TMEM132D: variants seen among roughly 807,000 people sequenced by gnomAD.
TMEM132D encodes transmembrane protein 132D, also known as mature OL transmembrane protein.
In TMEM132D, 21 loss-of-function variants were observed where a neutral mutation model predicts 62.3. The observed-to-expected ratio is 0.34, with a 90% confidence interval of 0.24 to 0.49. TMEM132D has a LOEUF of 0.49. TMEM132D is among the 20% of genes least tolerant of loss of function. The probability of loss-of-function intolerance (pLI) is 0.99; values close to 1 mark genes in which losing one functional copy is unlikely to be tolerated. For synonymous variants in TMEM132D, 621 were observed against 575.6 expected (o/e 1.08, Z -1.13); for missense variants, 1,346 against 1,402.8 (o/e 0.96, Z 0.65).
chr12:129,294,330 A>C (rs1047447799), intron 4 of TMEM132D, among the ~76,000 whole-genome samples: 1 of 152,198 alleles, frequency 6.6e-6, no homozygotes, highest in African/African-American at 2.4e-5. Flanking sequence ...AAACAATGCA[A>C]TGAAGCTTGT....
chr12:129,840,177 G>A (rs2137343052), intron 1 of TMEM132D: 1 of 152,324 alleles, frequency 6.6e-6, no homozygotes, highest in South Asian at 2.1e-4. Context: ...CTGGGTGAGA[G>A]ACCGCCGCTC....
chr12:129,802,514 G>A (rs1202398016), intron 1 of TMEM132D, among the ~76,000 whole-genome samples: 1 of 115,948 alleles, frequency 8.6e-6, no homozygotes, highest in South Asian at 3.3e-4. Context: ...CACCAGGCCT[G>A]CCCTAAAAGA....
At chr12:129,663,737 G>A (rs1453040872) in intron 2 of TMEM132D, among the ~76,000 whole-genome samples, 5 of 152,086 alleles carry the variant, frequency 3.3e-5, no homozygotes, top group Admixed American at 2.6e-4. Flanking sequence ...CATCTGTGGC[G>A]ACCCAAGTAA....
chr12:129,887,147 T>C (rs1874774127), intron 1 of TMEM132D, among the ~76,000 whole-genome samples: 1 of 152,094 alleles, frequency 6.6e-6, no homozygotes, highest in South Asian at 2.1e-4. Flanking sequence ...ACACATGAGT[T>C]AAAACCCAGT....
chr12:129,775,615 G>C (rs867137529), intron 1 of TMEM132D, among the ~76,000 whole-genome samples: 2 of 152,182 alleles, frequency 1.3e-5, no homozygotes, highest in African/African-American at 4.8e-5. Context: ...GAAGGGATGC[G>C]AGAAGATAAA....
intron 1 of TMEM132D, among the ~76,000 whole-genome samples, chr12:129,729,886 G>C (rs1869167263): frequency 6.6e-6 from 1 of 152,180 alleles, no homozygotes; most frequent in African/African-American, 2.4e-5. Context: ...AAGCTATCAT[G>C]ACATTCCCCT....
intron 3 of TMEM132D, among the ~76,000 whole-genome samples, chr12:129,340,396 G>A (rs1218943778): frequency 6.6e-6 from 1 of 151,924 alleles, no homozygotes; most frequent in East Asian, 1.9e-4. Context: ...CCATGTTTGT[G>A]TGCTGCACCT....
chr12:129,218,835 G>A lies in TMEM132D; in HGVS notation c.1300-9172C>T, dbSNP rs552224506. Among the ~76,000 whole-genome samples, 6 of 152,310 alleles carry A rather than the reference G, an allele frequency of 3.9e-5. No individual in the cohort carries two copies. The East Asian group carries it at 9.7e-4, about 25-fold the overall frequency. On this transcript the variant is annotated intron_variant, in intron 4 of 8. Coordinates refer to ENST00000422113, the MANE Select transcript of TMEM132D (RefSeq NM_133448.3). ...AAGTTAATCTCTTTGCAGGAGGCGG[G>A]AGTGAGGCGTAAGCAGCAGGAGACA...
At chr12:129,596,796 A>G (rs966732985) in intron 2 of TMEM132D, among the ~76,000 whole-genome samples, 1 of 151,726 alleles carries the variant, frequency 6.6e-6, no homozygotes, top group Non-Finnish European at 1.5e-5. Flanking sequence ...TCCTGTTTGA[A>G]TGTACCCATC....
intron 1 of TMEM132D, among the ~76,000 whole-genome samples, chr12:129,879,230 A>G (rs889731848): frequency 1.3e-5 from 2 of 152,194 alleles, no homozygotes; most frequent in Non-Finnish European, 2.9e-5. Flanking sequence ...CAAAAAGTCT[A>G]TGCCTCAGTC....
At chr12:129,385,085 CTTTTTTT>C (rs869098367) in intron 3 of TMEM132D, among the ~76,000 whole-genome samples, 24 of 86,890 alleles carry the variant, frequency 2.8e-4, no homozygotes, top group Admixed American at 6.7e-4. Context: ...TGTTAAAGTT[CTTTTTTT>C]TTTTTTTTTT....
intron 2 of TMEM132D, among the ~76,000 whole-genome samples, chr12:129,655,574 G>T (rs541083471): frequency 6.6e-6 from 1 of 151,858 alleles, no homozygotes; most frequent in South Asian, 2.1e-4. Context: ...CTTACCCTTC[G>T]TGGGGGCGTT....
At chr12:129,303,930 AAGACAGAG>A (rs1166089805) in intron 4 of TMEM132D, among the ~76,000 whole-genome samples, 2 of 152,160 alleles carry the variant, frequency 1.3e-5, no homozygotes, top group African/African-American at 4.8e-5. Flanking sequence ...CCAGCTCAAG[AAGACAGAG>A]GGGAAATTCA....
chr12:129,424,573 T>G (rs1293299250), intron 3 of TMEM132D, among the ~76,000 whole-genome samples: 2 of 151,758 alleles, frequency 1.3e-5, no homozygotes, highest in Admixed American at 6.6e-5. Context: ...CCGGGCGTGG[T>G]GGTGGGCACC....
rs1874237232 is a variant in TMEM132D, at chr12:129,075,934, C to T, written c.2116-875G>A. ...CCATTGCTTCCTCCCTCCCTCCCTC[C>T]CTCTCAGAGAACCTGCTCCGCCCCA... On this transcript the variant is annotated intron_variant, in intron 8 of 8. Transcript: ENST00000422113. Among the ~76,000 whole-genome samples, 2 of 152,208 alleles carry T rather than the reference C, an allele frequency of 1.3e-5. 1 individual carries two copies. The highest frequency in any genetic ancestry group is 4.2e-4 in the South Asian group (2 of 4,808).
chr12:129,264,053 T>C (rs1386279061), intron 4 of TMEM132D, among the ~76,000 whole-genome samples: 1 of 152,082 alleles, frequency 6.6e-6, no homozygotes, highest in African/African-American at 2.4e-5. Flanking sequence ...GTGCTGGCCG[T>C]CACCTGCAGG....
At position 129,475,188 on chromosome 12, in the gene TMEM132D, G is replaced by A. The variant is rs187477379; in HGVS notation, c.1115+55871C>T. ...TCTAGGATGATCAGGAAAGTGACAT[G>A]GAAATTGAGGCACAAAGAAGAAGTC... On this transcript the variant is annotated intron_variant, in intron 3 of 8. Transcript: ENST00000422113. Among the ~76,000 whole-genome samples the A allele has an allele frequency of 7.2e-5, 11 of 152,292 alleles. No individual in the cohort carries two copies. The East Asian group carries it at 2.1e-3, about 29-fold the overall frequency.
At chr12:129,556,567 G>T (rs1877064912) in intron 2 of TMEM132D, among the ~76,000 whole-genome samples, 1 of 152,060 alleles carries the variant, frequency 6.6e-6, no homozygotes, top group Admixed American at 6.6e-5. Context: ...ATAATAGGTT[G>T]CCTTCCTTTT....
At chr12:129,395,963 A>G (rs919993889) in intron 3 of TMEM132D, among the ~76,000 whole-genome samples, 2 of 142,060 alleles carry the variant, frequency 1.4e-5, no homozygotes, top group Non-Finnish European at 3.0e-5. Context: ...ATAATATATA[A>G]TATATATCAT....
Sources: gnomAD v4.1 joint callset for allele counts (sites outside exome capture counted in the v4.1 genomes callset) on GRCh38, gnomAD v4.1.1 for gene constraint, MANE v1.5 for transcripts, NCBI Gene and HGNC (gene_info 2026-07-23, HGNC 2026-07-21) for gene names.